Variants in UXS1 observed in about 807,000 individuals in gnomAD.
The protein encoded by UXS1 is UDP-glucuronic acid decarboxylase 1.
Under a neutral mutation model 62.6 loss-of-function variants are expected in UXS1, and 33 were observed. The ratio of observed to expected loss-of-function variants is 0.53; its 90% CI spans 0.40 to 0.70. The LOEUF (loss-of-function observed/expected upper bound fraction) is 0.70, where lower values mean the gene tolerates loss of function less well. Among genes scored for constraint, UXS1 ranks in the 30% least tolerant of loss-of-function variants. UXS1 has a pLI of 0.00. For missense variants in UXS1, 434 were observed against 556.3 expected, an observed-to-expected ratio of 0.78 and a Z score of 2.21; for synonymous variants, 213 against 206.8, an observed-to-expected ratio of 1.03 and a Z score of -0.26.
chr2:106,113,303 T>TA (rs1678773351), intron 9 of UXS1, among the ~76,000 whole-genome samples: 1 of 152,188 alleles, frequency 6.6e-6, no homozygotes, highest in African/African-American at 2.4e-5. Context: ...TCTATTTTAC[T>TA]AAAAAACATC....
chr2:106,095,478 G>A (rs1272139155), intron 14 of UXS1, among the ~76,000 whole-genome samples: 1 of 152,164 alleles, frequency 6.6e-6, no homozygotes, highest in Admixed American at 6.5e-5. Flanking sequence ...AATATTCTAG[G>A]ATTCTACTCA....
chr2:106,095,691 A>G (rs902853754), intron 14 of UXS1, among the ~76,000 whole-genome samples: 4 of 152,150 alleles, frequency 2.6e-5, no homozygotes, highest in Admixed American at 6.5e-5. Flanking sequence ...GGGAGCCCGA[A>G]TTTCAGTGGG....
chr2:106,145,833 A>C (rs1300118144), intron 5 of UXS1, among the ~76,000 whole-genome samples: 2 of 152,272 alleles, frequency 1.3e-5, no homozygotes, highest in Non-Finnish European at 2.9e-5. Flanking sequence ...TTTAAGTTAG[A>C]TTCAAAAACT....
At chr2:106,111,792 A>G (rs1316424977) in intron 10 of UXS1, among the ~76,000 whole-genome samples, 1 of 152,214 alleles carries the variant, frequency 6.6e-6, no homozygotes, top group African/African-American at 2.4e-5. Flanking sequence ...ATTGATAACA[A>G]ACCATGCCAC....
intron 6 of UXS1, among the ~76,000 whole-genome samples, chr2:106,139,946 A>C (rs1222998928): frequency 6.6e-6 from 1 of 152,236 alleles, no homozygotes; most frequent in African/African-American, 2.4e-5. Flanking sequence ...TCTTACAGAA[A>C]TACTCCCCAA....
rs867543431 is a variant in UXS1 at position 106,094,107 on chromosome 2, T to C, written c.1197A>G (p.Glu399=). 2.5e-6 allele frequency: 4 copies of C among 1,612,762 alleles called. 1 individual carries two copies. In the Middle Eastern group the frequency reaches 6.6e-4, roughly 266 times the overall value. ...ACTGATTATTTGCCTGGTACTCGAG[T>C]TCTTTACGGAAGTAGTGAATTGCTT... ...LNKAIHYFRK[E]LEYQANNQYI... is the part of the protein sequence containing the mutation. The change falls in exon 15 of 15, where the codon GAA becomes GAG. Residue 399 remains glutamate, a synonymous_variant. Coordinates refer to ENST00000283148, the MANE Select transcript of UXS1 (RefSeq NM_001253875.2).
At chr2:106,100,862 G>T in intron 12 of UXS1, 196 bp downstream of exon 12, 1 of 657,934 alleles carries the variant, frequency 1.5e-6, no homozygotes, top group Non-Finnish European at 2.6e-6. Flanking sequence ...ACTCACCCGT[G>T]CCTTGCAGAT....
At chr2:106,157,160 C>T (rs776271340) in intron 5 of UXS1, among the ~76,000 whole-genome samples, 2 of 151,926 alleles carry the variant, frequency 1.3e-5, no homozygotes, top group African/African-American at 4.8e-5. Flanking sequence ...GGGGGGCCTA[C>T]AATTGGATGT....
At chr2:106,108,784 A>G (rs1414527437) in intron 10 of UXS1, among the ~76,000 whole-genome samples, 4 of 152,170 alleles carry the variant, frequency 2.6e-5, no homozygotes, top group Non-Finnish European at 4.4e-5. Context: ...CAATGTCCCC[A>G]GCCGCTGTGC....
chr2:106,121,763 A>C (rs1679538810), intron 9 of UXS1, among the ~76,000 whole-genome samples: 1 of 152,262 alleles, frequency 6.6e-6, no homozygotes, highest in Non-Finnish European at 1.5e-5. Flanking sequence ...AATATAAACA[A>C]TAGCATAAGG....
chr2:106,186,948 T>C (rs1408786975), intron 1 of UXS1, among the ~76,000 whole-genome samples: 1 of 152,104 alleles, frequency 6.6e-6, no homozygotes, highest in African/African-American at 2.4e-5. Flanking sequence ...ATAATGGTAA[T>C]GAGATTATAT....
chr2:106,145,440 A>T (rs1318171601), intron 5 of UXS1, 70 bp from the exon 6 acceptor site: 7 of 1,490,020 alleles, frequency 4.7e-6, no homozygotes, highest in African/African-American at 1.4e-5. Context: ...GACCAGCTCC[A>T]CGGAGAGACA....
intron 1 of UXS1, among the ~76,000 whole-genome samples, chr2:106,169,930 A>G (rs1683439257): frequency 6.6e-6 from 1 of 152,104 alleles, no homozygotes. Flanking sequence ...CCAAAGCTTT[A>G]CCACCCTTCA....
At chr2:106,117,600 G>T (rs1679159416) in intron 9 of UXS1, among the ~76,000 whole-genome samples, 1 of 152,234 alleles carries the variant, frequency 6.6e-6, no homozygotes, top group Non-Finnish European at 1.5e-5. Flanking sequence ...GCCCTGCATA[G>T]TGGGAGCAGG....
chr2:106,190,052 G>A lies in UXS1; in HGVS notation c.94+4096C>T, dbSNP rs572287078. On this transcript the variant is annotated intron_variant, in intron 1 of 14. Coordinates refer to ENST00000283148, the MANE Select transcript of UXS1 (RefSeq NM_001253875.2). ...GCCCCGGGGCCCTTCTTCAGGAAGG[G>A]GTGCTGACCAAGGGGCATCCTGATG... 2.6e-5 allele frequency among the ~76,000 whole-genome samples: 4 copies of A among 152,262 alleles called. No homozygotes were observed. The East Asian group carries it at 7.7e-4, about 29-fold the overall frequency.
intron 3 of UXS1, 84 bp downstream of exon 3, chr2:106,164,652 C>T (rs1683102415): frequency 2.7e-6 from 3 of 1,091,302 alleles, no homozygotes; most frequent in Admixed American, 5.7e-5. Context: ...CAAGCTGCCA[C>T]AATAAGAATG....
At chr2:106,138,733 G>C in intron 6 of UXS1, 1 of 985,422 alleles carries the variant, frequency 1.0e-6, no homozygotes, top group Non-Finnish European at 1.2e-6. Flanking sequence ...TCAGACTGTC[G>C]AGACGTTCAG....
chr2:106,098,811 C>A (rs1354643381), intron 12 of UXS1, 38 bp from the exon 13 acceptor site: 1 of 1,581,152 alleles, frequency 6.3e-7, no homozygotes, highest in South Asian at 1.1e-5. Context: ...AGCGTCATGA[C>A]AACAGCAGCA....
At chr2:106,153,068 G>A (rs865945311) in intron 5 of UXS1, among the ~76,000 whole-genome samples, 4 of 152,260 alleles carry the variant, frequency 2.6e-5, no homozygotes, top group Admixed American at 6.5e-5. Context: ...AAGAACAAGG[G>A]AGATGCAGAT....
Sources: allele counts gnomAD v4.1 joint callset (sites outside exome capture counted in the v4.1 genomes callset), GRCh38; gene constraint gnomAD v4.1.1; transcripts MANE v1.5; gene names NCBI Gene and HGNC (gene_info 2026-07-23, HGNC 2026-07-21).